FOXP1: variants seen among roughly 807,000 people sequenced by gnomAD.
FOXP1 encodes the protein forkhead box P1.
Under a neutral mutation model 98.2 loss-of-function variants are expected in FOXP1, and 15 were observed. That is an observed-to-expected ratio of 0.15 (90% CI 0.10 to 0.24). The LOEUF (loss-of-function observed/expected upper bound fraction) is 0.24, where lower values mean the gene tolerates loss of function less well. Ranked by LOEUF, FOXP1 falls within the 10% of genes least tolerant of loss-of-function variation. The probability of loss-of-function intolerance (pLI) is 1.00; values close to 1 mark genes in which losing one functional copy is unlikely to be tolerated. For synonymous variants in FOXP1, 371 were observed against 314.5 expected (o/e 1.18, Z -1.90); for missense variants, 633 against 848.5 (o/e 0.75, Z 3.15).
chr3:71,033,057 T>G lies in FOXP1; in HGVS notation c.869+8271A>C, dbSNP rs147771483. ...GAGTTTCCAAAAGGCTGGTTCTCAC[T>G]CTTCTCCTGCCACATGCTTTCCCTC... On this transcript the variant is annotated intron_variant, in intron 11 of 20. Coordinates refer to ENST00000649528, the MANE Select transcript of FOXP1 (RefSeq NM_001349338.3). Among the ~76,000 whole-genome samples, 12 of 152,264 alleles carry G rather than the reference T, an allele frequency of 7.9e-5. No homozygotes were observed. In the East Asian group the frequency reaches 2.3e-3, roughly 29 times the overall value.
chr3:71,087,551 T>C (rs771051822), intron 7 of FOXP1, among the ~76,000 whole-genome samples: 6 of 152,230 alleles, frequency 3.9e-5, no homozygotes, highest in Non-Finnish European at 7.3e-5. Context: ...CCAGCTGGTA[T>C]TGACAAAGGC....
intron 6 of FOXP1, among the ~76,000 whole-genome samples, chr3:71,118,511 T>C (rs1298818912): frequency 2.6e-5 from 4 of 152,172 alleles, no homozygotes; most frequent in African/African-American, 7.2e-5. Flanking sequence ...TAAAGCAAGC[T>C]GGTAGAAGGA....
chr3:71,396,946 A>G lies in FOXP1; in HGVS notation c.-167-37702T>C, dbSNP rs866342060. ...TATATATATATATACACATATATATATGTGTATATATATATATGTGTGTAT... is the reference window on the plus strand; with the variant it reads ...TATATATATATATACACATATATATGTGTGTATATATATATATGTGTGTAT... On this transcript the variant is annotated intron_variant, in intron 3 of 20. Coordinates refer to ENST00000649528, the MANE Select transcript of FOXP1 (RefSeq NM_001349338.3). 9.3e-4 allele frequency among the ~76,000 whole-genome samples: 66 copies of G among 70,888 alleles called. 5 individuals carry two copies. Among genetic ancestry groups the G allele is most frequent in the East Asian group, 4.9e-3 (22 of 4,514 alleles). 46.5% of individuals were successfully genotyped at this position (70,888 alleles called of 152,430 possible). A position where few individuals can be genotyped will look rare whatever the true frequency, so the allele number is the denominator to read the frequency against.
At position 70,976,963 on chromosome 3, in the gene FOXP1, C is replaced by T. The variant is rs1240117000; in HGVS notation, c.1508G>A (p.Arg503Gln). 1.9e-6 allele frequency: 3 copies of T among 1,613,758 alleles called. No individual in the cohort carries two copies. Among genetic ancestry groups the T allele is most frequent in the Non-Finnish European group, 2.5e-6 (3 of 1,179,802 alleles). The part of the protein sequence containing the change: ...NWFTRMFAYF[R>Q]RNAATWKNAV... ...TACCTTCCACGTGGCCGCGTTGCGTCGGAAGTAAGCAAACATTCGTGTGAA... is the reference window on the plus strand; with the variant it reads ...TACCTTCCACGTGGCCGCGTTGCGTTGGAAGTAAGCAAACATTCGTGTGAA... Residue 503 changes from arginine to glutamine, a missense_variant, in exon 17 of 21, where the codon CGA becomes CAA. Coordinates refer to ENST00000649528, the MANE Select transcript of FOXP1 (RefSeq NM_001349338.3).
intron 4 of FOXP1, among the ~76,000 whole-genome samples, chr3:71,357,865 C>T (rs2078270872): frequency 6.6e-6 from 1 of 152,052 alleles, no homozygotes; most frequent in African/African-American, 2.4e-5. Flanking sequence ...ATTTTTTATA[C>T]TTATATCTCT....
chr3:71,172,853 A>G (rs1338322136), intron 6 of FOXP1, among the ~76,000 whole-genome samples: 1 of 152,194 alleles, frequency 6.6e-6, no homozygotes, highest in Non-Finnish European at 1.5e-5. Context: ...TTCCCCCAAA[A>G]TTACTGAAGC....
intron 6 of FOXP1, among the ~76,000 whole-genome samples, chr3:71,179,058 A>T (rs2062121449): frequency 6.6e-6 from 1 of 151,698 alleles, no homozygotes; most frequent in South Asian, 2.1e-4. Context: ...TTTCAATAAA[A>T]GGAAGAAATA....
intron 3 of FOXP1, among the ~76,000 whole-genome samples, chr3:71,467,966 C>G (rs902551151): frequency 6.6e-6 from 1 of 152,154 alleles, no homozygotes; most frequent in African/African-American, 2.4e-5. Context: ...TCATGATCTA[C>G]CAAAACTCTT....
chr3:71,497,201 G>A (rs887060753), intron 2 of FOXP1, among the ~76,000 whole-genome samples: 6 of 151,836 alleles, frequency 4.0e-5, no homozygotes, highest in Admixed American at 2.0e-4. Flanking sequence ...ACCCCCACCC[G>A]CCTACGTAGA....
At chr3:71,383,441 A>G (rs1289536748) in intron 3 of FOXP1, among the ~76,000 whole-genome samples, 1 of 152,244 alleles carries the variant, frequency 6.6e-6, no homozygotes, top group Admixed American at 6.5e-5. Flanking sequence ...CTAGTATCAG[A>G]AAATAAGTAT....
chr3:71,277,926 C>T (rs932783357), intron 5 of FOXP1, among the ~76,000 whole-genome samples: 1 of 152,008 alleles, frequency 6.6e-6, no homozygotes, highest in African/African-American at 2.4e-5. Flanking sequence ...CATTGGCTCA[C>T]TAATATAAAC....
At chr3:70,992,404 T>C (rs2040743810) in intron 13 of FOXP1, among the ~76,000 whole-genome samples, 1 of 152,080 alleles carries the variant, frequency 6.6e-6, no homozygotes, top group South Asian at 2.1e-4. Context: ...GTCTCTGACG[T>C]ACATATGATG....
intron 3 of FOXP1, among the ~76,000 whole-genome samples, chr3:71,379,057 G>A (rs528472062): frequency 7.9e-5 from 12 of 152,144 alleles, no homozygotes; most frequent in Admixed American, 7.9e-4. Flanking sequence ...GTAAAAATCA[G>A]CCATTCTTTC....
intron 3 of FOXP1, among the ~76,000 whole-genome samples, chr3:71,489,624 A>G (rs2090919080): frequency 6.6e-6 from 1 of 152,210 alleles, no homozygotes; most frequent in South Asian, 2.1e-4. Context: ...AGTGTCAACT[A>G]AAGCTTCACA....
chr3:71,378,876 T>C (rs1346130874), intron 3 of FOXP1, among the ~76,000 whole-genome samples: 1 of 152,120 alleles, frequency 6.6e-6, no homozygotes, highest in Non-Finnish European at 1.5e-5. Flanking sequence ...GTTTTAGGCA[T>C]TCACTGGGGG....
intron 9 of FOXP1, among the ~76,000 whole-genome samples, chr3:71,050,750 G>C (rs2049774558): frequency 6.6e-6 from 1 of 152,152 alleles, no homozygotes; most frequent in South Asian, 2.1e-4. Context: ...GTTTACATCT[G>C]ATGTGACTCA....
chr3:71,152,004 A>T (rs2060596768), intron 6 of FOXP1, among the ~76,000 whole-genome samples: 1 of 152,188 alleles, frequency 6.6e-6, no homozygotes, highest in South Asian at 2.1e-4. Context: ...TGTGTGGCAA[A>T]AGAGATTTTG....
chr3:70,975,843 T>C (rs2037382439), intron 17 of FOXP1, among the ~76,000 whole-genome samples: 1 of 152,016 alleles, frequency 6.6e-6, no homozygotes, highest in South Asian at 2.1e-4. Context: ...ATCAATCTAA[T>C]ATAAGGGAGT....
chr3:71,533,937 C>G (rs564500723), intron 2 of FOXP1, among the ~76,000 whole-genome samples: 1 of 152,118 alleles, frequency 6.6e-6, no homozygotes, highest in African/African-American at 2.4e-5. Flanking sequence ...CTTGGTGTCA[C>G]GGGAAGCCCA....
Sources: gnomAD v4.1 joint callset for allele counts (sites outside exome capture counted in the v4.1 genomes callset) on GRCh38, gnomAD v4.1.1 for gene constraint, MANE v1.5 for transcripts, NCBI Gene and HGNC (gene_info 2026-07-23, HGNC 2026-07-21) for gene names.